The following GAS7 variants were observed in gnomAD, a reference collection of about 807,000 sequenced individuals.
GAS7 encodes growth arrest specific 7.
A neutral mutation model predicts 71.1 loss-of-function variants in GAS7; 28 were observed. The ratio of observed to expected loss-of-function variants is 0.39; its 90% CI spans 0.29 to 0.54. The LOEUF is 0.54. GAS7 is among the 20% of genes least tolerant of loss of function. The probability of loss-of-function intolerance (pLI) is 0.62; values close to 1 mark genes in which losing one functional copy is unlikely to be tolerated. For synonymous variants in GAS7, 258 were observed against 245.8 expected, an observed-to-expected ratio of 1.05 and a Z score of -0.46; for missense variants, 436 against 627.8, an observed-to-expected ratio of 0.69 and a Z score of 3.27.
chr17:10,152,218 G>A (rs760085486), intron 1 of GAS7, among the ~76,000 whole-genome samples: 12 of 152,168 alleles, frequency 7.9e-5, no homozygotes, highest in Non-Finnish European at 1.5e-4. Flanking sequence ...GTCACATGGC[G>A]GGGTGAGAAT....
rs35354737 is a variant in GAS7 at position 10,046,202 on chromosome 17, G to A, written c.184-26305C>T. On this transcript the variant is annotated intron_variant, in intron 1 of 13. Transcript: ENST00000432992. The stretch of plus-strand genomic sequence containing the variant: ...TACGTCCCCACAACGACAGGAACAC[G>A]GTACCCGGCGTGTGACTGAATCTCT... Among the ~76,000 whole-genome samples the A allele has an allele frequency of 1.2e-4, 19 of 152,110 alleles. No homozygotes were observed. In the East Asian group the frequency reaches 2.5e-3, roughly 20 times the overall value.
At chr17:10,022,899 G>A (rs886285452) in intron 1 of GAS7, among the ~76,000 whole-genome samples, 58 of 152,204 alleles carry the variant, frequency 3.8e-4, no homozygotes, top group African/African-American at 1.3e-3. Flanking sequence ...TGGCCAGTGC[G>A]TTCTGGTGAG....
At chr17:10,084,052 G>A (rs2073487385) in intron 1 of GAS7, among the ~76,000 whole-genome samples, 1 of 152,162 alleles carries the variant, frequency 6.6e-6, no homozygotes, top group Non-Finnish European at 1.5e-5. Flanking sequence ...GCCTCCTGCT[G>A]CTCTCACAGG....
chr17:10,170,417 T>G (rs970681279), intron 1 of GAS7, among the ~76,000 whole-genome samples: 1 of 151,960 alleles, frequency 6.6e-6, no homozygotes, highest in Non-Finnish European at 1.5e-5. Flanking sequence ...TGCTGTTCCC[T>G]GACCACTCCA....
intron 5 of GAS7, 23 bp from the exon 6 acceptor site, chr17:9,947,006 G>C (rs2068812417): frequency 6.6e-7 from 1 of 1,519,886 alleles, no homozygotes; most frequent in Non-Finnish European, 9.1e-7. Context: ...GAACAAGAAA[G>C]AATGACCCCG....
intron 1 of GAS7, among the ~76,000 whole-genome samples, chr17:10,028,276 AG>A (rs1264309926): frequency 6.6e-6 from 1 of 151,570 alleles, no homozygotes; most frequent in Non-Finnish European, 1.5e-5. Context: ...TGAGAGGCTG[AG>A]GGGGGAGGAC....
At chr17:10,081,781 G>T (rs747958421) in intron 1 of GAS7, among the ~76,000 whole-genome samples, 1 of 152,182 alleles carries the variant, frequency 6.6e-6, no homozygotes, top group Non-Finnish European at 1.5e-5. Flanking sequence ...TGTTGGCAAG[G>T]CAAATGGAAA....
chr17:10,093,237 G>T lies in GAS7; in HGVS notation c.184-73340C>A, dbSNP rs574453620. Among the ~76,000 whole-genome samples the T allele has an allele frequency of 7.9e-4, 120 of 152,256 alleles. 3 individuals carry two copies. The highest frequency in any genetic ancestry group is 6.9e-3 in the Admixed American group (105 of 15,286). ...TATAAGGAAGCTGTTGCTTCTATGAGTCCATTCATATCTAATATCCTGAGC... is the reference window on the plus strand; with the variant it reads ...TATAAGGAAGCTGTTGCTTCTATGATTCCATTCATATCTAATATCCTGAGC... On this transcript the variant is annotated intron_variant, in intron 1 of 13. Coordinates refer to ENST00000432992, the MANE Select transcript of GAS7 (RefSeq NM_201433.2).
chr17:10,079,278 T>A (rs2073430549), intron 1 of GAS7, among the ~76,000 whole-genome samples: 1 of 152,166 alleles, frequency 6.6e-6, no homozygotes. Flanking sequence ...ATAAACACTG[T>A]AAACCGAAAA....
In GAS7 at chr17:10,161,496, C is replaced by T. The variant is rs57795724; in HGVS notation, c.183+36712G>A. Reference sequence around the variant, plus strand: ...CCACAAATATCCACTACAGTAGGTGCCATCTTGTCCTCTGACTCGAGCACT... The same window carrying T: ...CCACAAATATCCACTACAGTAGGTGTCATCTTGTCCTCTGACTCGAGCACT... On this transcript the variant is annotated intron_variant, in intron 1 of 13. Transcript: ENST00000432992. Among the ~76,000 whole-genome samples, 3,578 of 152,256 alleles carry T rather than the reference C, an allele frequency of 0.023. 316 individuals carry two copies. In the East Asian group the frequency reaches 0.32, roughly 14 times the overall value.
At chr17:9,933,426 TC>T (rs1164687069) in intron 9 of GAS7, among the ~76,000 whole-genome samples, 1 of 152,146 alleles carries the variant, frequency 6.6e-6, no homozygotes, top group African/African-American at 2.4e-5. Flanking sequence ...TAAGGCCTGC[TC>T]CCAGTGGCTC....
intron 1 of GAS7, among the ~76,000 whole-genome samples, chr17:10,123,698 A>C (rs1257694564): frequency 6.6e-6 from 1 of 152,110 alleles, no homozygotes; most frequent in Non-Finnish European, 1.5e-5. Context: ...TTGCTCCCCC[A>C]ACAAACGTGG....
intron 1 of GAS7, among the ~76,000 whole-genome samples, chr17:10,171,522 AC>A (rs2074334916): frequency 6.6e-6 from 1 of 152,342 alleles, no homozygotes; most frequent in Admixed American, 6.5e-5. Context: ...ACCACCTGCA[AC>A]TTTTACAGAA....
intron 1 of GAS7, among the ~76,000 whole-genome samples, chr17:10,048,922 C>T (rs550595066): frequency 3.9e-5 from 6 of 152,108 alleles, no homozygotes; most frequent in Non-Finnish European, 5.9e-5. Flanking sequence ...CAGCTCATTG[C>T]GGGGGGGAAG....
intron 5 of GAS7, among the ~76,000 whole-genome samples, chr17:9,952,947 A>G (rs1343234785): frequency 6.6e-6 from 1 of 152,170 alleles, no homozygotes; most frequent in Non-Finnish European, 1.5e-5. Flanking sequence ...TGATTCCTCA[A>G]AGAACTAAAA....
chr17:10,108,551 G>A (rs1008046753), intron 1 of GAS7, among the ~76,000 whole-genome samples: 2 of 152,170 alleles, frequency 1.3e-5, no homozygotes, highest in Non-Finnish European at 2.9e-5. Context: ...AGATTTTGGA[G>A]GATCTGTCTT....
At chr17:9,921,958 CAAA>C (rs35195748) in intron 11 of GAS7, among the ~76,000 whole-genome samples, 6 of 89,202 alleles carry the variant, frequency 6.7e-5, no homozygotes, top group Non-Finnish European at 9.1e-5. Context: ...GACTCCATCT[CAAA>C]AAAAAAAAAA....
At position 10,103,426 on chromosome 17, in the gene GAS7, C is replaced by T. The variant is rs1275253405; in HGVS notation, c.184-83529G>A. On this transcript the variant is annotated intron_variant, in intron 1 of 13. Transcript: ENST00000432992. The surrounding 1 kb of genome is among the most constrained non-coding windows in gnomAD (Gnocchi z 5.5). ...GAGAAGCACAGCTCATGCCATCTAGCGACCCTACTCTAGCTGCCCAGTGAG... is the reference window on the plus strand; with the variant it reads ...GAGAAGCACAGCTCATGCCATCTAGTGACCCTACTCTAGCTGCCCAGTGAG... Among the ~76,000 whole-genome samples the T allele has an allele frequency of 6.6e-6, 1 of 152,112 alleles. No individual in the cohort carries two copies. Among genetic ancestry groups the T allele is most frequent in the South Asian group, 2.1e-4 (1 of 4,822 alleles).
At chr17:10,192,600 C>T (rs2074510759) in intron 1 of GAS7, among the ~76,000 whole-genome samples, 1 of 152,142 alleles carries the variant, frequency 6.6e-6, no homozygotes, top group African/African-American at 2.4e-5. Flanking sequence ...GAGCGGTGAA[C>T]AGATGTCAGG....
Sources: allele counts gnomAD v4.1 joint callset (sites outside exome capture counted in the v4.1 genomes callset), GRCh38; gene constraint gnomAD v4.1.1; non-coding constraint Gnocchi (gnomAD v3.1); transcripts MANE v1.5; gene names NCBI Gene and HGNC (gene_info 2026-07-23, HGNC 2026-07-21).